CAST: variants seen among roughly 807,000 people sequenced by gnomAD.
CAST encodes the protein MIR583 host.
CAST carries 76 observed loss-of-function variants against 119.6 expected under a neutral mutation model. The observed-to-expected ratio is 0.64, with a 90% CI of 0.53 to 0.77. The LOEUF (loss-of-function observed/expected upper bound fraction) is 0.77. Ranked by LOEUF, CAST falls within the 30% of genes least tolerant of loss-of-function variation. The pLI is 0.00. For synonymous variants in CAST, 319 were observed against 331.6 expected (o/e 0.96, Z 0.41); for missense variants, 953 against 946.5 (o/e 1.01, Z -0.09).
At chr5:96,318,451 A>G in the CAST span, 1 of 152,246 alleles carries the variant, frequency 6.6e-6, no homozygotes, top group Non-Finnish European at 1.5e-5. Flanking sequence ...TGGACTGATT[A>G]ATTTTATTCT....
Position 96,722,679 on chromosome 5 carries a change from T to A in CAST, c.251T>A (p.Met84Lys). 6.2e-7 allele frequency: 1 copy of A among 1,612,942 alleles called. No homozygotes were observed. Among genetic ancestry groups the A allele is most frequent in the Non-Finnish European group, 8.5e-7 (1 of 1,178,880 alleles). ...SSGATSKSSS[M>K]NPTETKAIPV... ...GGTGCAACCAGCAAGTCTTCCAGTA[T>A]GAATCCCACAGAAACCAAGGTATGA... The change falls in exon 4 of 32, where the codon ATG (methionine) becomes AAG (lysine). Residue 84 changes from methionine (M) to lysine (K), a missense_variant. Transcript: ENST00000675179.
At position 96,675,538 on chromosome 5, in the gene CAST, G is replaced by A; in HGVS notation, c.76-1G>A. On this transcript the variant is annotated splice_acceptor_variant, in intron 1 of 31. Transcript: ENST00000675179. LOFTEE classifies it high-confidence loss of function. ...AAGCATTATTTTTTACTTTTTTATA[G>A]CATGTCAGTGAAAAAACCAGTGAAT... 6.2e-7 allele frequency: 1 copy of A among 1,609,938 alleles called. No individual in the cohort carries two copies. Among genetic ancestry groups the A allele is most frequent in the Non-Finnish European group, 8.5e-7 (1 of 1,176,524 alleles).
the CAST span, among the ~76,000 whole-genome samples, chr5:96,311,155 T>C: frequency 3.3e-5 from 5 of 152,142 alleles, no homozygotes; most frequent in Admixed American, 3.3e-4. Flanking sequence ...CAAGATGTTC[T>C]TAAATTTCTC....
upstream of CAST, among the ~76,000 whole-genome samples, chr5:96,657,545 T>C (rs1748181227): frequency 6.6e-6 from 1 of 152,190 alleles, no homozygotes; most frequent in South Asian, 2.1e-4. Flanking sequence ...ATTCTTATAA[T>C]AAAAATTGAT....
intron 1 of CAST, among the ~76,000 whole-genome samples, chr5:96,618,279 T>C (rs1010029771): frequency 6.6e-6 from 1 of 152,242 alleles, no homozygotes; most frequent in Non-Finnish European, 1.5e-5. Flanking sequence ...GTAACAGAGC[T>C]TTGCAGTCAG....
the CAST span, among the ~76,000 whole-genome samples, chr5:96,386,634 A>G: frequency 6.6e-6 from 1 of 152,228 alleles, no homozygotes; most frequent in Non-Finnish European, 1.5e-5. Context: ...CTCACAAATA[A>G]TGAAAACTAA....
chr5:96,042,198 T>C, the CAST span, among the ~76,000 whole-genome samples: 1 of 152,124 alleles, frequency 6.6e-6, no homozygotes, highest in African/African-American at 2.4e-5. Context: ...AGAAAAAAGC[T>C]GTGGGACATT....
the CAST span, among the ~76,000 whole-genome samples, chr5:96,263,712 A>G: frequency 6.6e-6 from 1 of 152,210 alleles, no homozygotes; most frequent in Non-Finnish European, 1.5e-5. Flanking sequence ...TAAAAATAGT[A>G]CCTGAGACCA....
chr5:96,081,287 T>C, the CAST span, among the ~76,000 whole-genome samples: 1 of 152,182 alleles, frequency 6.6e-6, no homozygotes, highest in African/African-American at 2.4e-5. Context: ...ATCCAGGTTC[T>C]CTTTCCTGTG....
the CAST span, among the ~76,000 whole-genome samples, chr5:96,458,013 G>A: frequency 6.6e-6 from 1 of 152,178 alleles, no homozygotes; most frequent in African/African-American, 2.4e-5. Flanking sequence ...TCTTGCTGCT[G>A]TCTGACTTCA....
chr5:96,638,243 TA>T (rs1025580236), intron 1 of CAST, among the ~76,000 whole-genome samples: 283 of 143,298 alleles, frequency 2.0e-3, no homozygotes, highest in Middle Eastern at 7.1e-3. Context: ...CTGCCTCTAT[TA>T]AAAAAAAAAA....
At chr5:96,336,646 T>G in the CAST span, among the ~76,000 whole-genome samples, 1 of 152,238 alleles carries the variant, frequency 6.6e-6, no homozygotes, top group Non-Finnish European at 1.5e-5. Flanking sequence ...CAGTTTCTTG[T>G]GAGGTTTTGC....
chr5:96,199,841 T>C, the CAST span, among the ~76,000 whole-genome samples: 1 of 152,104 alleles, frequency 6.6e-6, no homozygotes, highest in Non-Finnish European at 1.5e-5. Flanking sequence ...GGTGAAAATA[T>C]TTTTCTCTCT....
At chr5:96,760,688 A>G (rs1356691483) in intron 24 of CAST, 2 of 151,972 alleles carry the variant, frequency 1.3e-5, no homozygotes, top group Non-Finnish European at 3.0e-5. Flanking sequence ...TTAATATGAG[A>G]TCAGACTTAA....
chr5:96,263,916 C>T, the CAST span, among the ~76,000 whole-genome samples: 73 of 152,212 alleles, frequency 4.8e-4, no homozygotes, highest in African/African-American at 1.7e-3. Flanking sequence ...GTGATAACTC[C>T]CTCACTATCA....
chr5:96,016,860 G>T, the CAST span, among the ~76,000 whole-genome samples: 1 of 130,996 alleles, frequency 7.6e-6, no homozygotes, highest in African/African-American at 2.9e-5. Context: ...TTTTTGAGAC[G>T]GAGTCTCCCT....
At chr5:96,048,850 T>C in the CAST span, among the ~76,000 whole-genome samples, 1 of 151,284 alleles carries the variant, frequency 6.6e-6, no homozygotes, top group African/African-American at 2.4e-5. Context: ...TCCCAAAGAG[T>C]AAATTAGGTA....
At chr5:96,757,117 A>G (rs1766478474) in intron 22 of CAST, among the ~76,000 whole-genome samples, 1 of 152,088 alleles carries the variant, frequency 6.6e-6, no homozygotes, top group Admixed American at 6.5e-5. Flanking sequence ...TGTCCTGCAA[A>G]CCCCAGTCAC....
chr5:96,697,381 G>GT (rs927906243), intron 3 of CAST, among the ~76,000 whole-genome samples: 2 of 151,646 alleles, frequency 1.3e-5, no homozygotes, highest in African/African-American at 4.8e-5. Context: ...TAGTATTTTC[G>GT]TGTCACTCAG....
Sources: gnomAD v4.1 joint callset for allele counts (sites outside exome capture counted in the v4.1 genomes callset) on GRCh38, gnomAD v4.1.1 for gene constraint, MANE v1.5 for transcripts, NCBI Gene and HGNC (gene_info 2026-07-23, HGNC 2026-07-21) for gene names.